Variants in KANSL1L observed in about 807,000 individuals in gnomAD.
The protein encoded by KANSL1L is KAT8 regulatory NSL complex subunit 1 like.
KANSL1L carries 25 observed loss-of-function variants against 108.6 expected under a neutral mutation model. The observed-to-expected ratio is 0.23, with a 90% CI of 0.17 to 0.32. The LOEUF is 0.32. Ranked by LOEUF, KANSL1L falls within the 10% of genes least tolerant of loss-of-function variation. KANSL1L has a pLI of 1.00. For synonymous variants in KANSL1L, 405 were observed against 395.1 expected (o/e 1.03, Z -0.30); for missense variants, 1,137 against 1,125.7 (o/e 1.01, Z -0.14).
Position 210,154,451 on chromosome 2 carries a change from G to C in KANSL1L, c.132C>G (p.Thr44=). The change falls in exon 2 of 15, where the codon ACC becomes ACG. Residue 44 remains threonine (T), a synonymous_variant. Coordinates refer to ENST00000281772, the MANE Select transcript of KANSL1L (RefSeq NM_152519.4). ...TTGGAAATCCAAGCATCTGAGAAAA[G>C]GTGTCTCCCTTTAGCTTTTCATCTA... is the stretch of plus-strand genomic sequence containing the variant. ...RTVDEKLKGD[T]FSQMLGFPTP... is the part of the protein sequence containing the mutation. The C allele has an allele frequency of 6.2e-7, 1 of 1,613,410 alleles. No individual in the cohort carries two copies. The highest frequency in any genetic ancestry group is 8.5e-7 in the Non-Finnish European group (1 of 1,179,754).
chr2:210,079,944 G>A (rs949406749), intron 5 of KANSL1L: 2 of 151,028 alleles, frequency 1.3e-5, no homozygotes, highest in African/African-American at 4.9e-5. Flanking sequence ...AGTGAGAGTG[G>A]GTTTCAGGCT....
intron 8 of KANSL1L, chr2:210,033,009 G>A (rs1353500204): frequency 6.6e-6 from 1 of 152,132 alleles, no homozygotes; most frequent in Non-Finnish European, 1.5e-5. Context: ...GAAACAGAAT[G>A]GACACAGCTG....
Position 210,026,732 on chromosome 2 carries a change from G to A in KANSL1L, c.2451+564C>T, listed in dbSNP as rs866384711. Among the ~76,000 whole-genome samples, 3 of 152,254 alleles carry A rather than the reference G, an allele frequency of 2.0e-5. No homozygotes were observed. In the South Asian group the frequency reaches 6.2e-4, roughly 32 times the overall value. On this transcript the variant is annotated intron_variant, in intron 12 of 14. Coordinates refer to ENST00000281772, the MANE Select transcript of KANSL1L (RefSeq NM_152519.4). Reference sequence around the variant, plus strand: ...GAATGTGGATATTCACGTAAATTCAGTATCTCAAAAACTCATAAACAAATG... The same window carrying A: ...GAATGTGGATATTCACGTAAATTCAATATCTCAAAAACTCATAAACAAATG...
At chr2:210,067,727 A>C (rs961631389) in intron 6 of KANSL1L, among the ~76,000 whole-genome samples, 6 of 150,068 alleles carry the variant, frequency 4.0e-5, no homozygotes, top group African/African-American at 1.5e-4. Context: ...AAAAAAAAAA[A>C]AAAAAAAAAA....
intron 6 of KANSL1L, among the ~76,000 whole-genome samples, chr2:210,053,778 AAAGT>A (rs1474249817): frequency 1.3e-5 from 2 of 152,120 alleles, no homozygotes; most frequent in Non-Finnish European, 2.9e-5. Context: ...ACTGTGAAAA[AAAGT>A]CATAAAAAAC....
intron 3 of KANSL1L, among the ~76,000 whole-genome samples, chr2:210,110,046 T>C (rs139037213): frequency 2.1e-3 from 322 of 152,242 alleles, no homozygotes; most frequent in Non-Finnish European, 3.4e-3. Flanking sequence ...AGGCTTCCCA[T>C]CTCTCTGTTT....
intron 6 of KANSL1L, among the ~76,000 whole-genome samples, chr2:210,074,802 T>A (rs2094531061): frequency 6.6e-6 from 1 of 152,186 alleles, no homozygotes; most frequent in South Asian, 2.1e-4. Flanking sequence ...GTAATGATAA[T>A]CAGAAACAAT....
At chr2:210,118,671 C>A (rs957918786) in intron 3 of KANSL1L, among the ~76,000 whole-genome samples, 3 of 151,612 alleles carry the variant, frequency 2.0e-5, no homozygotes, top group Non-Finnish European at 4.4e-5. Flanking sequence ...CATGGCAAAA[C>A]CCCCATCTCT....
In KANSL1L at chr2:210,044,164, T is replaced by C; in HGVS notation, c.1756-60A>G. 4.5e-6 allele frequency: 5 copies of C among 1,104,464 alleles called. No homozygotes were observed. The highest frequency in any genetic ancestry group is 4.9e-6 in the Non-Finnish European group (4 of 812,932). 68.4% of individuals were successfully genotyped at this position (1,104,464 alleles called of 1,614,324 possible). A position where few individuals can be genotyped will look rare whatever the true frequency, so the allele number is the denominator to read the frequency against. On this transcript the variant is annotated intron_variant, in intron 6 of 14. Coordinates refer to ENST00000281772, the MANE Select transcript of KANSL1L (RefSeq NM_152519.4). This position sits in a 1 kb window ranked among gnomAD's most constrained non-coding sequence, Gnocchi z 4.2. ...AAAGCATCCATAAATGGCATATCTC[T>C]ACATTTATTTAGGTTATCTTTAAAT...
At chr2:210,129,298 AAG>A in intron 2 of KANSL1L, 126 bp from the exon 3 acceptor site, 1 of 729,698 alleles carries the variant, frequency 1.4e-6, no homozygotes, top group African/African-American at 1.8e-5. Flanking sequence ...TAATTACAGG[AAG>A]AGAGAATGGC....
At chr2:210,138,551 T>C (rs1462922657) in intron 2 of KANSL1L, among the ~76,000 whole-genome samples, 1 of 152,226 alleles carries the variant, frequency 6.6e-6, no homozygotes, top group Non-Finnish European at 1.5e-5. Context: ...GTGTTTAGAT[T>C]TGTCTAAGGA....
Position 210,171,284 on chromosome 2 carries a change from G to A in KANSL1L, c.-165C>T, listed in dbSNP as rs1389696992. 166 of 165,298 alleles carry A rather than the reference G, an allele frequency of 1.0e-3. No homozygotes were observed. The highest frequency in any genetic ancestry group is 8.2e-3 in the Middle Eastern group (3 of 368). The allele number at this position is 165,298 out of a possible 1,614,324, so 10.2% of individuals were successfully genotyped here. A position where few individuals can be genotyped will look rare whatever the true frequency, so the allele number is the denominator to read the frequency against. ...CTGACTCGTCTCCAGAGCGCGCCCC[G>A]CTCCCGCCCCGGCCGCCGCCGCCGC... is the stretch of plus-strand genomic sequence containing the variant. On this transcript the variant is annotated 5_prime_UTR_variant, in exon 1 of 15. Coordinates refer to ENST00000281772, the MANE Select transcript of KANSL1L (RefSeq NM_152519.4).
chr2:210,048,510 TG>T (rs1270564257), intron 6 of KANSL1L, among the ~76,000 whole-genome samples: 1 of 152,180 alleles, frequency 6.6e-6, no homozygotes, highest in Non-Finnish European at 1.5e-5. Flanking sequence ...TTTTACATTT[TG>T]TATGGATAAT....
chr2:210,136,547 T>C (rs750885833), intron 2 of KANSL1L, among the ~76,000 whole-genome samples: 4 of 152,168 alleles, frequency 2.6e-5, no homozygotes, highest in Non-Finnish European at 5.9e-5. Context: ...CAATAAGCAT[T>C]GTGTGTATGT....
intron 2 of KANSL1L, among the ~76,000 whole-genome samples, chr2:210,137,593 C>T (rs991507220): frequency 1.1e-4 from 17 of 152,010 alleles, no homozygotes; most frequent in African/African-American, 3.9e-4. Context: ...ATATATTATG[C>T]AACATATTAT....
intron 8 of KANSL1L, among the ~76,000 whole-genome samples, chr2:210,037,098 G>A (rs915158893): frequency 1.3e-5 from 2 of 151,924 alleles, no homozygotes; most frequent in African/African-American, 2.4e-5. Flanking sequence ...AACATTAAAA[G>A]AAATATAATT....
chr2:210,132,869 T>G (rs1009743348), intron 2 of KANSL1L, among the ~76,000 whole-genome samples: 4 of 152,222 alleles, frequency 2.6e-5, no homozygotes, highest in Non-Finnish European at 5.9e-5. Flanking sequence ...AAGGAATTTA[T>G]GTAGGACTGG....
At chr2:210,111,607 A>C (rs2125462802) in intron 3 of KANSL1L, among the ~76,000 whole-genome samples, 1 of 152,336 alleles carries the variant, frequency 6.6e-6, no homozygotes, top group African/African-American at 2.4e-5. Context: ...TGAACTGTAT[A>C]GTTAAAAATG....
At chr2:210,049,679 A>G (rs1250392119) in intron 6 of KANSL1L, among the ~76,000 whole-genome samples, 1 of 152,214 alleles carries the variant, frequency 6.6e-6, no homozygotes. Flanking sequence ...ATAAGAAACT[A>G]GACATTATAG....
Sources: allele counts gnomAD v4.1 joint callset (sites outside exome capture counted in the v4.1 genomes callset), GRCh38; gene constraint gnomAD v4.1.1; non-coding constraint Gnocchi (gnomAD v3.1); transcripts MANE v1.5; gene names NCBI Gene and HGNC (gene_info 2026-07-23, HGNC 2026-07-21).